The following ZNF721 variants were observed in gnomAD, a reference collection of about 807,000 sequenced individuals.
ZNF721 encodes the protein zinc finger protein 721.
A neutral mutation model predicts 2.4 loss-of-function variants in ZNF721; 2 were observed. That is an observed-to-expected ratio of 0.82 (90% CI 0.34 to 2.58). The LOEUF (loss-of-function observed/expected upper bound fraction) is 2.58. Among genes scored for constraint, ZNF721 ranks in the 30% most tolerant of loss-of-function variants. The pLI, the probability that ZNF721 is intolerant of heterozygous loss-of-function variation, is 0.11. For missense variants in ZNF721, 1,187 were observed against 1,085.5 expected (o/e 1.09, Z -1.31); for synonymous variants, 398 against 381.8 (o/e 1.04, Z -0.50).
Position 442,831 on chromosome 4 carries a change from C to T in ZNF721, c.1636G>A (p.Val546Ile), listed in dbSNP as rs374523741. The change falls in exon 3 of 3, where the codon GTA becomes ATA. Residue 546 changes from valine to isoleucine, a missense_variant. Coordinates refer to ENST00000511833, the MANE Select transcript of ZNF721 (RefSeq NM_133474.4). ...KAFRQSAILY[V>I]HRRIHTGEKP... is the part of the protein sequence containing the mutation. ...TCTCCAGTATGAATTCTCCTATGTA[C>T]ATAAAGGATTGCGGACTGTCTAAAG... 49 of 1,611,628 alleles carry T rather than the reference C, an allele frequency of 3.0e-5. No individual in the cohort carries two copies. Among genetic ancestry groups the T allele is most frequent in the Admixed American group, 6.7e-5 (4 of 59,740 alleles).
At chr4:466,621 T>A (rs892277693) in intron 2 of ZNF721, among the ~76,000 whole-genome samples, 11 of 152,162 alleles carry the variant, frequency 7.2e-5, no homozygotes, top group Non-Finnish European at 1.6e-4. Context: ...AGTTCCTGTT[T>A]CTGTAGAAAT....
At chr4:485,550 A>G (rs782716963) in intron 1 of ZNF721, among the ~76,000 whole-genome samples, 4 of 152,106 alleles carry the variant, frequency 2.6e-5, no homozygotes, top group Non-Finnish European at 5.9e-5. Flanking sequence ...AACAGCAAAC[A>G]CTTTTCACAT....
intron 1 of ZNF721, chr4:474,197 C>G (rs1715562576): frequency 2.3e-6 from 1 of 431,278 alleles, no homozygotes; most frequent in South Asian, 1.9e-5. Flanking sequence ...GACTGCGCGC[C>G]TGATTGGGCA....
intron 2 of ZNF721, among the ~76,000 whole-genome samples, chr4:462,987 T>A (rs1441662411): frequency 6.6e-6 from 1 of 151,934 alleles, no homozygotes; most frequent in African/African-American, 2.4e-5. Flanking sequence ...TGGGAGAAAA[T>A]TTTTTTGCAA....
chr4:495,132 T>C (rs1298508501), intron 1 of ZNF721, among the ~76,000 whole-genome samples: 2 of 152,070 alleles, frequency 1.3e-5, no homozygotes, highest in Non-Finnish European at 2.9e-5. Context: ...TCCGCCCACC[T>C]TGGCCTGCCA....
At chr4:491,878 G>C (rs1291738349) in intron 1 of ZNF721, among the ~76,000 whole-genome samples, 2 of 152,010 alleles carry the variant, frequency 1.3e-5, no homozygotes, top group Non-Finnish European at 2.9e-5. Context: ...AATTAGGCCA[G>C]ATGCAGTGGC....
intron 2 of ZNF721, among the ~76,000 whole-genome samples, chr4:460,536 C>G (rs1351423014): frequency 2.7e-5 from 4 of 150,208 alleles, no homozygotes; most frequent in African/African-American, 7.4e-5. Context: ...ACTAGAGAAG[C>G]AGGTGCAAAC....
At chr4:454,666 T>A (rs1714790611) in intron 2 of ZNF721, among the ~76,000 whole-genome samples, 1 of 152,180 alleles carries the variant, frequency 6.6e-6, no homozygotes. Context: ...AAGGGTATTT[T>A]CCTACAATTG....
At chr4:448,610 T>C (rs1714554738) in intron 2 of ZNF721, among the ~76,000 whole-genome samples, 1 of 152,080 alleles carries the variant, frequency 6.6e-6, no homozygotes, top group African/African-American at 2.4e-5. Flanking sequence ...CCATATTATA[T>C]CAAATTAAGA....
chr4:471,263 GAAATT>G (rs1345380990), intron 2 of ZNF721, among the ~76,000 whole-genome samples: 2 of 152,054 alleles, frequency 1.3e-5, no homozygotes, highest in Non-Finnish European at 2.9e-5. Context: ...ACTACCAAAG[GAAATT>G]AAATTAACAC....
In ZNF721 at chr4:447,215, G is replaced by T. The variant is rs549712730; in HGVS notation, c.35-2783C>A. On this transcript the variant is annotated intron_variant, in intron 2 of 2. Coordinates refer to ENST00000511833, the MANE Select transcript of ZNF721 (RefSeq NM_133474.4). ...GCAGGCACCGTACTCCCAGCTACTG[G>T]GGAGGCTGAGGAAGGAGAATGGCAT... 1.2e-4 allele frequency among the ~76,000 whole-genome samples: 19 copies of T among 152,068 alleles called. No individual in the cohort carries two copies. The East Asian group carries it at 3.1e-3, about 25-fold the overall frequency.
At chr4:475,964 C>T (rs1005288072) in intron 1 of ZNF721, among the ~76,000 whole-genome samples, 1 of 152,152 alleles carries the variant, frequency 6.6e-6, no homozygotes. Flanking sequence ...TGACTGAGCA[C>T]AATGCAACAC....
At chr4:498,826 G>A (rs1716479618) in intron 1 of ZNF721, among the ~76,000 whole-genome samples, 1 of 150,884 alleles carries the variant, frequency 6.6e-6, no homozygotes, top group Non-Finnish European at 1.5e-5. Flanking sequence ...CCAGGTTCAA[G>A]CGATTCTCCT....
chr4:451,344 T>C (rs782017187), intron 2 of ZNF721, among the ~76,000 whole-genome samples: 1 of 152,194 alleles, frequency 6.6e-6, no homozygotes, highest in Non-Finnish European at 1.5e-5. Flanking sequence ...TGAAAAAGAA[T>C]AGACAATCAC....
At chr4:476,484 G>T (rs1212649814) in intron 1 of ZNF721, among the ~76,000 whole-genome samples, 1 of 152,152 alleles carries the variant, frequency 6.6e-6, no homozygotes. Context: ...CAAACATTCT[G>T]GCTTACCTCA....
intron 2 of ZNF721, among the ~76,000 whole-genome samples, chr4:447,675 T>A (rs11248019): frequency 0.41 from 61,617 of 151,966 alleles, 12,933 homozygotes; most frequent in African/African-American, 0.52. Flanking sequence ...TGTAATAATT[T>A]AAAAAGACTG....
chr4:471,940 G>C (rs1444642180), intron 2 of ZNF721, among the ~76,000 whole-genome samples: 1 of 152,194 alleles, frequency 6.6e-6, no homozygotes, highest in Non-Finnish European at 1.5e-5. Flanking sequence ...CAGATGAAGA[G>C]TAAGTCCTCA....
chr4:496,513 G>A lies in ZNF721; in HGVS notation c.-94+2543C>T, dbSNP rs182429532. The stretch of plus-strand genomic sequence containing the variant: ...ATTCTCAGTTGTCTGAGAATGCCCC[G>A]AAAAGCTGAGGGGAGGCAGGTGCTC... On this transcript the variant is annotated intron_variant, in intron 1 of 2. Transcript: ENST00000511833. Among the ~76,000 whole-genome samples, 248 of 152,086 alleles carry A rather than the reference G, an allele frequency of 1.6e-3. 1 individual carries two copies. Among genetic ancestry groups the A allele is most frequent in the African/African-American group, 5.9e-3 (243 of 41,498 alleles).
Position 475,337 on chromosome 4 carries a change from A to T in ZNF721, c.-93-2636T>A, listed in dbSNP as rs564807399. Among the ~76,000 whole-genome samples the T allele has an allele frequency of 3.3e-5, 5 of 151,334 alleles. No homozygotes were observed. The South Asian group carries it at 1.0e-3, about 32-fold the overall frequency. On this transcript the variant is annotated intron_variant, in intron 1 of 2. Transcript: ENST00000511833. ...TAATACTCTTTGCAGACTTACTAAT[A>T]TTTTTTTTTACTGTAAACCATCACC...
Sources: allele counts gnomAD v4.1 joint callset (sites outside exome capture counted in the v4.1 genomes callset), GRCh38; gene constraint gnomAD v4.1.1; transcripts MANE v1.5; gene names NCBI Gene and HGNC (gene_info 2026-07-23, HGNC 2026-07-21).